Variants in BACE2 observed in about 807,000 individuals in gnomAD.
The protein encoded by BACE2 is beta-secretase 2.
BACE2 carries 17 observed loss-of-function variants against 46.2 expected under a neutral mutation model. That is an observed-to-expected ratio of 0.37 (90% confidence interval 0.25 to 0.55). The LOEUF (loss-of-function observed/expected upper bound fraction) is 0.55, where lower values mean the gene tolerates loss of function less well. BACE2 is among the 20% of genes least tolerant of loss of function. The pLI, the probability that BACE2 is intolerant of heterozygous loss-of-function variation, is 0.82. For synonymous variants in BACE2, 277 were observed against 295.9 expected (o/e 0.94, Z 0.66); for missense variants, 595 against 698.1 (o/e 0.85, Z 1.66).
chr21:41,207,207 T>G (rs1033228578), intron 1 of BACE2, among the ~76,000 whole-genome samples: 1 of 152,320 alleles, frequency 6.6e-6, no homozygotes, highest in South Asian at 2.1e-4. Flanking sequence ...AAATGCATAA[T>G]GGGTTCTTAG....
In BACE2 at chr21:41,280,424, C is replaced by T. The variant is rs1219086822; in HGVS notation, c.*4800C>T. Reference sequence around the variant, plus strand: ...CAGAGACTTCCAGGAAAGGAGCTCCCTCCTGTCTCACTGCTGTCAGCGTGG... The same window carrying T: ...CAGAGACTTCCAGGAAAGGAGCTCCTTCCTGTCTCACTGCTGTCAGCGTGG... On this transcript the variant is annotated 3_prime_UTR_variant, in exon 9 of 9. Transcript: ENST00000330333. 6.6e-6 allele frequency: 1 copy of T among 152,336 alleles called. No individual in the cohort carries two copies. The highest frequency in any genetic ancestry group is 1.9e-4 in the East Asian group (1 of 5,194). The allele number at this position is 152,336 out of a possible 1,614,324, so 9.4% of individuals were successfully genotyped here. A position where few individuals can be genotyped will look rare whatever the true frequency, so the allele number is the denominator to read the frequency against.
chr21:41,279,223 T>C lies in BACE2; in HGVS notation c.*3599T>C, dbSNP rs1262888885. Reference sequence around the variant, plus strand: ...CCAATTAAATGGCAAGCTGGAAAAATACATTTTGAGAGGGGTAGAAAGAAT... The same window carrying C: ...CCAATTAAATGGCAAGCTGGAAAAACACATTTTGAGAGGGGTAGAAAGAAT... On this transcript the variant is annotated 3_prime_UTR_variant, in exon 9 of 9. Transcript: ENST00000330333. 6.6e-6 allele frequency: 1 copy of C among 152,110 alleles called. No individual in the cohort carries two copies. The highest frequency in any genetic ancestry group is 1.5e-5 in the Non-Finnish European group (1 of 68,026). The allele number at this position is 152,110 out of a possible 1,614,324, so 9.4% of individuals were successfully genotyped here.
chr21:41,241,615 C>G (rs1441030341), intron 3 of BACE2: 1 of 555,972 alleles, frequency 1.8e-6, no homozygotes, highest in Non-Finnish European at 3.1e-6. Context: ...AGAGCCGTGC[C>G]CAAAGGAAGA....
At chr21:41,195,569 A>G (rs919830246) in intron 1 of BACE2, among the ~76,000 whole-genome samples, 3 of 152,122 alleles carry the variant, frequency 2.0e-5, no homozygotes, top group African/African-American at 7.2e-5. Flanking sequence ...GTCAAATACA[A>G]AACTTCCTGC....
At position 41,282,069 on chromosome 21, in the gene BACE2, A is replaced by G. The variant is rs1169677720; in HGVS notation, c.*6445A>G. 6.6e-6 allele frequency: 1 copy of G among 152,180 alleles called. No homozygotes were observed. Among genetic ancestry groups the G allele is most frequent in the Non-Finnish European group, 1.5e-5 (1 of 68,014 alleles). The allele number at this position is 152,180 out of a possible 1,614,324, so 9.4% of individuals were successfully genotyped here. ...ACCACTCATTTTTTTCTTAAAGTTG[A>G]TGCCTTTTCTGCTGTGCTAGAGTCA... On this transcript the variant is annotated 3_prime_UTR_variant, in exon 9 of 9. Coordinates refer to ENST00000330333, the MANE Select transcript of BACE2 (RefSeq NM_012105.5).
intron 2 of BACE2, among the ~76,000 whole-genome samples, chr21:41,232,922 G>A (rs1987006309): frequency 6.8e-6 from 1 of 147,736 alleles, no homozygotes; most frequent in Non-Finnish European, 1.5e-5. Context: ...AGGCTGGAGT[G>A]CAGTGGCACG....
intron 1 of BACE2, among the ~76,000 whole-genome samples, chr21:41,204,512 G>A (rs1297315738): frequency 1.3e-5 from 2 of 152,186 alleles, no homozygotes; most frequent in African/African-American, 4.8e-5. Flanking sequence ...GAGAGGGGCT[G>A]GAGCTAGGAC....
intron 1 of BACE2, among the ~76,000 whole-genome samples, chr21:41,225,109 C>T (rs1011801838): frequency 1.3e-5 from 2 of 151,874 alleles, no homozygotes; most frequent in African/African-American, 4.8e-5. Flanking sequence ...TGGCGGGCAC[C>T]TGTAGTCCTA....
chr21:41,269,947 A>T (rs1380847477), intron 8 of BACE2, among the ~76,000 whole-genome samples: 1 of 152,236 alleles, frequency 6.6e-6, no homozygotes, highest in Admixed American at 6.5e-5. Flanking sequence ...TTATCATGTC[A>T]CATTCCTGCC....
rs2088481475 is a variant in BACE2 at position 41,275,753 on chromosome 21, C to T, written c.*129C>T. 1 of 1,065,062 alleles carries T rather than the reference C, an allele frequency of 9.4e-7. No homozygotes were observed. The highest frequency in any genetic ancestry group is 1.3e-6 in the Non-Finnish European group (1 of 754,414). 66.0% of individuals were successfully genotyped at this position (1,065,062 alleles called of 1,614,324 possible). ...CCGTCTTCAATCTCTGTTCTGCTCCCAGATGCCTTCTAGATTCACTGTCTT... is the reference window on the plus strand; with the variant it reads ...CCGTCTTCAATCTCTGTTCTGCTCCTAGATGCCTTCTAGATTCACTGTCTT... On this transcript the variant is annotated 3_prime_UTR_variant, in exon 9 of 9. Coordinates refer to ENST00000330333, the MANE Select transcript of BACE2 (RefSeq NM_012105.5).
chr21:41,260,041 G>C (rs116179812), intron 8 of BACE2, among the ~76,000 whole-genome samples: 2 of 151,974 alleles, frequency 1.3e-5, no homozygotes, highest in African/African-American at 2.4e-5. Flanking sequence ...TGTTGCCCAG[G>C]CTGGTCTCCA....
intron 6 of BACE2, chr21:41,246,417 T>C (rs1317445078): frequency 6.4e-6 from 1 of 156,122 alleles, no homozygotes. Flanking sequence ...TATAGTATTT[T>C]TTTAATCTGC....
At chr21:41,178,907 T>C (rs1466647693) in intron 1 of BACE2, 2 of 317,174 alleles carry the variant, frequency 6.3e-6, no homozygotes, top group Non-Finnish European at 1.2e-5. Flanking sequence ...CAGTGCCATG[T>C]GGGAAGGGGT....
rs944668992 is a variant in BACE2 at position 41,277,498 on chromosome 21, A to G, written c.*1874A>G. The G allele has an allele frequency of 6.6e-6, 1 of 152,244 alleles. No homozygotes were observed. Among genetic ancestry groups the G allele is most frequent in the Non-Finnish European group, 1.5e-5 (1 of 68,062 alleles). The allele number at this position is 152,244 out of a possible 1,614,324, so 9.4% of individuals were successfully genotyped here. The stretch of plus-strand genomic sequence containing the variant: ...ACACGGAGAGATGTCTGGAAGTCCA[A>G]TTCTCATCCCATTGGCTTTTTCCGT... On this transcript the variant is annotated 3_prime_UTR_variant, in exon 9 of 9. Transcript: ENST00000330333.
At chr21:41,265,999 C>CT (rs58745908) in intron 8 of BACE2, among the ~76,000 whole-genome samples, 2,314 of 152,074 alleles carry the variant, frequency 0.015, 53 homozygotes, top group African/African-American at 0.052. Flanking sequence ...AAATAACTTA[C>CT]TTTTTTTTAC....
At chr21:41,200,706 G>A (rs1985936499) in intron 1 of BACE2, among the ~76,000 whole-genome samples, 1 of 152,196 alleles carries the variant, frequency 6.6e-6, no homozygotes, top group Admixed American at 6.5e-5. Context: ...TCTGACAAGT[G>A]TCCTTATATA....
chr21:41,248,372 G>T (rs978786479), intron 6 of BACE2, among the ~76,000 whole-genome samples: 9 of 152,164 alleles, frequency 5.9e-5, no homozygotes, highest in African/African-American at 2.2e-4. Flanking sequence ...CGAATCTGAG[G>T]TGAGCTCCCC....
chr21:41,203,855 C>T (rs1034119712), intron 1 of BACE2, among the ~76,000 whole-genome samples: 3 of 152,180 alleles, frequency 2.0e-5, no homozygotes, highest in African/African-American at 7.2e-5. Context: ...TTTTGAAAGA[C>T]GTCAAACCCC....
At chr21:41,232,004 A>G (rs1986977820) in intron 2 of BACE2, among the ~76,000 whole-genome samples, 2 of 150,692 alleles carry the variant, frequency 1.3e-5, no homozygotes, top group African/African-American at 2.5e-5. Flanking sequence ...GAATATGAAT[A>G]TGAACTGAGA....
Sources: allele counts gnomAD v4.1 joint callset (sites outside exome capture counted in the v4.1 genomes callset), GRCh38; gene constraint gnomAD v4.1.1; transcripts MANE v1.5; gene names NCBI Gene and HGNC (gene_info 2026-07-23, HGNC 2026-07-21).